Variants in MYO16 observed in about 807,000 individuals in gnomAD.
MYO16 encodes the protein unconventional myosin-XVI.
MYO16 carries 94 observed loss-of-function variants against 205.3 expected under a neutral mutation model. The ratio of observed to expected loss-of-function variants is 0.46; its 90% CI spans 0.39 to 0.54. The LOEUF is 0.54. Among genes scored for constraint, MYO16 ranks in the 20% least tolerant of loss-of-function variants. MYO16 has a pLI of 0.00. For synonymous variants in MYO16, 988 were observed against 954.0 expected, an observed-to-expected ratio of 1.04 and a Z score of -0.66; for missense variants, 2,315 against 2,387.5, an observed-to-expected ratio of 0.97 and a Z score of 0.63.
intron 22 of MYO16, among the ~76,000 whole-genome samples, chr13:109,012,620 C>T (rs1379359915): frequency 2.0e-5 from 3 of 152,008 alleles, no homozygotes; most frequent in Admixed American, 6.6e-5. Context: ...TCCACAAAAC[C>T]GTTCCCTCTT....
Position 108,727,268 on chromosome 13 carries a change from G to A in MYO16, c.364-172G>A, listed in dbSNP as rs115372341. Among the ~76,000 whole-genome samples the A allele has an allele frequency of 8.4e-3, 1,273 of 151,818 alleles. 17 individuals are homozygous for A. The highest frequency in any genetic ancestry group is 0.028 in the African/African-American group (1,138 of 41,370). On this transcript the variant is annotated intron_variant, in intron 3 of 34. Coordinates refer to ENST00000457511, the MANE Select transcript of MYO16 (RefSeq NM_001198950.3). The stretch of plus-strand genomic sequence containing the variant: ...TGACCCAGTTCCCCAGAAGTCTTGC[G>A]TATGTTCTTTTCCTTGTTGGTTAGT...
At chr13:108,927,140 CTG>C (rs1882045114) in intron 16 of MYO16, among the ~76,000 whole-genome samples, 1 of 150,976 alleles carries the variant, frequency 6.6e-6, no homozygotes, top group Non-Finnish European at 1.5e-5. Context: ...GAGAGAGAGA[CTG>C]TCCCAGATGA....
intron 3 of MYO16, among the ~76,000 whole-genome samples, chr13:108,720,978 C>G (rs1382868051): frequency 6.6e-6 from 1 of 152,080 alleles, no homozygotes; most frequent in Non-Finnish European, 1.5e-5. Context: ...GAAACCACCC[C>G]TTACACCAAG....
chr13:108,980,803 T>G (rs1416845144), intron 20 of MYO16, among the ~76,000 whole-genome samples: 4 of 152,222 alleles, frequency 2.6e-5, no homozygotes, highest in African/African-American at 4.8e-5. Flanking sequence ...GTGGTTATTA[T>G]TTTTTGAATA....
At chr13:108,609,530 G>T (rs895658372) in intron 1 of MYO16, among the ~76,000 whole-genome samples, 1 of 152,164 alleles carries the variant, frequency 6.6e-6, no homozygotes, top group Non-Finnish European at 1.5e-5. Context: ...AAGCTGATGA[G>T]TAAATGTAGT....
At chr13:109,090,600 G>A (rs540544984) in intron 27 of MYO16, among the ~76,000 whole-genome samples, 1 of 152,272 alleles carries the variant, frequency 6.6e-6, no homozygotes, top group East Asian at 1.9e-4. Flanking sequence ...GTGGGCGTGC[G>A]GAGGCTGCAG....
chr13:109,033,050 C>G (rs1314835978), intron 23 of MYO16, among the ~76,000 whole-genome samples: 1 of 152,040 alleles, frequency 6.6e-6, no homozygotes, highest in Non-Finnish European at 1.5e-5. Flanking sequence ...TATAAGAGAA[C>G]TAAGTAGTGA....
At chr13:108,922,915 C>T (rs146542626) in intron 16 of MYO16, among the ~76,000 whole-genome samples, 3 of 152,276 alleles carry the variant, frequency 2.0e-5, no homozygotes, top group Admixed American at 2.0e-4. Flanking sequence ...GTTATCTCCC[C>T]CTATCCACAG....
chr13:108,510,472 T>TTG, the MYO16 span, among the ~76,000 whole-genome samples: 2 of 131,504 alleles, frequency 1.5e-5, no homozygotes, highest in African/African-American at 2.9e-5. Flanking sequence ...TTTTTTTTTT[T>TTG]TTTTTTTTTT....
rs377184467 is a variant in MYO16 at position 108,678,125 on chromosome 13, T to A, written c.292+11976T>A. On this transcript the variant is annotated intron_variant, in intron 2 of 34. Transcript: ENST00000457511. ...AGATGTAGACGTGCCATTTATAAGA[T>A]CAGAGAAATCACTTACTGAGTGCAA... 2.0e-3 allele frequency among the ~76,000 whole-genome samples: 300 copies of A among 152,330 alleles called. 8 individuals are homozygous for A. The South Asian group carries it at 0.061, about 31-fold the overall frequency.
intron 27 of MYO16, among the ~76,000 whole-genome samples, chr13:109,078,456 C>CTT (rs1264901767): frequency 6.6e-6 from 1 of 151,958 alleles, no homozygotes; most frequent in Admixed American, 6.6e-5. Flanking sequence ...TTCTGCATGT[C>CTT]TTTAACATAT....
intron 1 of MYO16, among the ~76,000 whole-genome samples, chr13:108,636,365 T>TGTGTGTG (rs1439881419): frequency 6.2e-5 from 4 of 64,928 alleles, no homozygotes; most frequent in Non-Finnish European, 1.3e-4. Context: ...TTTTTTTTTT[T>TGTGTGTG]TTTTTGTGTG....
At chr13:109,179,521 G>C (rs140074893) in intron 33 of MYO16, 21 bp from the exon 34 acceptor site, 6 of 1,561,710 alleles carry the variant, frequency 3.8e-6, no homozygotes, top group Non-Finnish European at 5.3e-6. Flanking sequence ...CTTAACTCCC[G>C]ATTTGTGTTG....
chr13:108,551,123 A>G, the MYO16 span, among the ~76,000 whole-genome samples: 1 of 152,292 alleles, frequency 6.6e-6, no homozygotes, highest in South Asian at 2.1e-4. Context: ...GGGGGGTTCT[A>G]AAAAACTCCA....
At chr13:108,799,290 G>T (rs1179906670) in intron 6 of MYO16, among the ~76,000 whole-genome samples, 1 of 152,194 alleles carries the variant, frequency 6.6e-6, no homozygotes, top group African/African-American at 2.4e-5. Flanking sequence ...ACCCTTGGGT[G>T]GAACCCATGG....
At chr13:108,761,757 C>A (rs1006136269) in intron 4 of MYO16, among the ~76,000 whole-genome samples, 1 of 152,188 alleles carries the variant, frequency 6.6e-6, no homozygotes, top group African/African-American at 2.4e-5. Flanking sequence ...TTTGTCCCCA[C>A]CTCCACCTTC....
chr13:108,823,464 G>A (rs1408744100), intron 9 of MYO16, among the ~76,000 whole-genome samples, 186 bp downstream of exon 9: 1 of 152,068 alleles, frequency 6.6e-6, no homozygotes, highest in Admixed American at 6.6e-5. Context: ...AAAACCCTCT[G>A]ATTTAAAAAC....
intron 28 of MYO16, among the ~76,000 whole-genome samples, chr13:109,114,413 T>G (rs892615372): frequency 6.6e-6 from 1 of 152,220 alleles, no homozygotes; most frequent in Non-Finnish European, 1.5e-5. Flanking sequence ...CCTAGAGAGC[T>G]CCGATTCATC....
At chr13:108,673,483 T>C (rs1882079278) in intron 2 of MYO16, among the ~76,000 whole-genome samples, 1 of 152,122 alleles carries the variant, frequency 6.6e-6, no homozygotes, top group Non-Finnish European at 1.5e-5. Context: ...TACAGAACTA[T>C]AATATCATAC....
Sources: allele counts gnomAD v4.1 joint callset (sites outside exome capture counted in the v4.1 genomes callset), GRCh38; gene constraint gnomAD v4.1.1; transcripts MANE v1.5; gene names NCBI Gene and HGNC (gene_info 2026-07-23, HGNC 2026-07-21).